The following SGCD variants were observed in gnomAD, a reference collection of about 807,000 sequenced individuals.
The protein encoded by SGCD is delta-sarcoglycan.
A neutral mutation model predicts 36.6 loss-of-function variants in SGCD; 18 were observed. That is an observed-to-expected ratio of 0.49 (90% CI 0.34 to 0.73). The LOEUF is 0.73. SGCD is among the 30% of genes least tolerant of loss of function. The pLI, the probability that SGCD is intolerant of heterozygous loss-of-function variation, is 0.01. For missense variants in SGCD, 387 were observed against 346.7 expected (o/e 1.12, Z -0.92); for synonymous variants, 133 against 130.6 (o/e 1.02, Z -0.12).
chr5:156,125,919 C>T (rs1013556387), intron 3 of SGCD, among the ~76,000 whole-genome samples: 6 of 146,292 alleles, frequency 4.1e-5, no homozygotes, highest in South Asian at 2.2e-4. Context: ...ACTTTGTTGC[C>T]CAGGCTGGAG....
intron 6 of SGCD, among the ~76,000 whole-genome samples, chr5:156,645,977 A>T (rs1273145747): frequency 6.6e-6 from 1 of 152,170 alleles, no homozygotes; most frequent in Admixed American, 6.5e-5. Context: ...AGATAAAGGT[A>T]CTATCAACAC....
At chr5:156,102,150 A>G (rs1180797509) in intron 1 of SGCD, among the ~76,000 whole-genome samples, 1 of 149,968 alleles carries the variant, frequency 6.7e-6, no homozygotes, top group African/African-American at 2.4e-5. Context: ...TTTCTGATTG[A>G]TTTTTTTTTT....
intron 5 of SGCD, among the ~76,000 whole-genome samples, chr5:156,590,843 T>C (rs1218242625): frequency 6.7e-6 from 1 of 150,294 alleles, no homozygotes; most frequent in African/African-American, 2.4e-5. Flanking sequence ...CCCTCTCTCC[T>C]ACCACCCCTT....
chr5:156,662,876 T>C (rs1326864104), intron 7 of SGCD, among the ~76,000 whole-genome samples: 2 of 151,302 alleles, frequency 1.3e-5, no homozygotes, highest in Non-Finnish European at 2.9e-5. Flanking sequence ...CCTCCAGTTT[T>C]TGTTTTGGTA....
intron 3 of SGCD, among the ~76,000 whole-genome samples, chr5:156,404,264 T>C (rs180750376): frequency 2.0e-5 from 3 of 152,340 alleles, no homozygotes; most frequent in Admixed American, 1.3e-4. Context: ...GCATTCTCTC[T>C]ATTTGTCCCA....
chr5:156,504,392 G>GTGTATATATA (rs1413599402), intron 3 of SGCD, among the ~76,000 whole-genome samples: 5 of 75,070 alleles, frequency 6.7e-5, no homozygotes, highest in South Asian at 4.1e-4. Flanking sequence ...GTGTGTGTGT[G>GTGTATATATA]TATATATATA....
At chr5:156,236,996 A>C (rs190481692) in intron 3 of SGCD, among the ~76,000 whole-genome samples, 1 of 151,804 alleles carries the variant, frequency 6.6e-6, no homozygotes, top group Non-Finnish European at 1.5e-5. Context: ...ACCATGCCGG[A>C]CTAACTTTTT....
chr5:156,441,609 T>G (rs1218487962), intron 3 of SGCD, among the ~76,000 whole-genome samples: 1 of 152,198 alleles, frequency 6.6e-6, no homozygotes, highest in Non-Finnish European at 1.5e-5. Context: ...GAAAGATGAT[T>G]GCACAGATAA....
intron 4 of SGCD, among the ~76,000 whole-genome samples, chr5:156,581,126 T>A (rs1265966463): frequency 6.6e-6 from 1 of 152,204 alleles, no homozygotes; most frequent in Non-Finnish European, 1.5e-5. Context: ...GCTATTCCTT[T>A]CTGTTTGTTA....
At chr5:155,792,645 T>A in the SGCD span, among the ~76,000 whole-genome samples, 2 of 151,720 alleles carry the variant, frequency 1.3e-5, no homozygotes, top group Non-Finnish European at 2.9e-5. Flanking sequence ...CCAACAAACA[T>A]ATGAAAAAAT....
chr5:156,311,597 T>G (rs1056999412), intron 3 of SGCD, among the ~76,000 whole-genome samples: 1 of 132,714 alleles, frequency 7.5e-6, no homozygotes, highest in African/African-American at 2.8e-5. Flanking sequence ...AGCAATGTCT[T>G]AGGGATCTAC....
At chr5:156,255,399 G>A (rs536624788) in intron 3 of SGCD, among the ~76,000 whole-genome samples, 3 of 152,066 alleles carry the variant, frequency 2.0e-5, no homozygotes, top group Non-Finnish European at 4.4e-5. Context: ...TTCTTATAAT[G>A]TTTATCTGGG....
chr5:155,796,830 A>AT, the SGCD span, among the ~76,000 whole-genome samples: 2 of 148,788 alleles, frequency 1.3e-5, no homozygotes, highest in African/African-American at 4.9e-5. Context: ...AAAAAAAAAA[A>AT]AATCAATGAT....
intron 4 of SGCD, among the ~76,000 whole-genome samples, chr5:156,585,372 T>C (rs1440427262): frequency 6.6e-6 from 1 of 152,218 alleles, no homozygotes; most frequent in Non-Finnish European, 1.5e-5. Flanking sequence ...AAAATAATAA[T>C]GTTAATAATA....
chr5:156,446,937 G>A (rs1419212045), intron 3 of SGCD, among the ~76,000 whole-genome samples: 1 of 152,032 alleles, frequency 6.6e-6, no homozygotes. Context: ...ATTTCCCAAG[G>A]TCATCCATCA....
At chr5:156,274,472 A>T (rs113129073) in intron 3 of SGCD, among the ~76,000 whole-genome samples, 15 of 150,338 alleles carry the variant, frequency 1.0e-4, no homozygotes, top group African/African-American at 3.3e-4. Flanking sequence ...TCATTTTTTA[A>T]AAAATTTTAG....
At chr5:155,948,194 T>C (rs1218423763) in intron 1 of SGCD, among the ~76,000 whole-genome samples, 2 of 152,164 alleles carry the variant, frequency 1.3e-5, no homozygotes, top group East Asian at 3.9e-4. Flanking sequence ...GGAGCATTTC[T>C]TGAAATCTGG....
At chr5:156,611,107 C>T (rs139745195) in intron 6 of SGCD, among the ~76,000 whole-genome samples, 1,837 of 152,332 alleles carry the variant, frequency 0.012, 36 homozygotes, top group East Asian at 0.049. Context: ...GTTGGAAATG[C>T]AGAAATCACC....
At chr5:155,885,987 G>T (rs1211134976) in intron 1 of SGCD, among the ~76,000 whole-genome samples, 1 of 152,164 alleles carries the variant, frequency 6.6e-6, no homozygotes, top group African/African-American at 2.4e-5. Flanking sequence ...AAACAATTCA[G>T]TTTATCATCA....
Sources: allele counts gnomAD v4.1 joint callset (sites outside exome capture counted in the v4.1 genomes callset), GRCh38; gene constraint gnomAD v4.1.1; transcripts MANE v1.5; gene names NCBI Gene and HGNC (gene_info 2026-07-23, HGNC 2026-07-21).